The following LRRC49 variants were observed in gnomAD, a reference collection of about 807,000 sequenced individuals.
LRRC49 encodes the protein leucine rich repeat containing 49.
A neutral mutation model predicts 83.3 loss-of-function variants in LRRC49; 50 were observed. That is an observed-to-expected ratio of 0.60 (90% CI 0.48 to 0.76). The LOEUF is 0.76. Among genes scored for constraint, LRRC49 ranks in the 30% least tolerant of loss-of-function variants. The pLI is 0.00. For missense variants in LRRC49, 704 were observed against 809.1 expected, an observed-to-expected ratio of 0.87 and a Z score of 1.58; for synonymous variants, 286 against 283.3, an observed-to-expected ratio of 1.01 and a Z score of -0.10.
intron 2 of LRRC49, chr15:70,882,574 T>C: frequency 1.2e-6 from 2 of 1,613,786 alleles, no homozygotes; most frequent in South Asian, 2.2e-5. Context: ...GAGAGGAAGT[T>C]CTAGACCACA....
At chr15:70,903,108 G>C (rs1279636970) in intron 4 of LRRC49, among the ~76,000 whole-genome samples, 1 of 152,016 alleles carries the variant, frequency 6.6e-6, no homozygotes, top group East Asian at 1.9e-4. Flanking sequence ...TAGAAGTTGG[G>C]GGGTATCAAT....
rs548328537 is a variant in LRRC49, at chr15:71,001,635, A to C, written c.1170-6744A>C. ...TTTATGTCTTTTTCATTACTTTACT[A>C]TTCTTCAATGGGGTCTTGGAGGGAG... On this transcript the variant is annotated intron_variant, in intron 11 of 15. Coordinates refer to ENST00000260382, the MANE Select transcript of LRRC49 (RefSeq NM_017691.5). 2.2e-4 allele frequency among the ~76,000 whole-genome samples: 33 copies of C among 151,146 alleles called. 1 individual carries two copies. In the South Asian group the frequency reaches 4.6e-3, roughly 21 times the overall value.
At position 70,878,036 on chromosome 15, in the gene LRRC49, G is replaced by A. The variant is rs555806237; in HGVS notation, c.18+4813G>A. 1.3e-3 allele frequency among the ~76,000 whole-genome samples: 195 copies of A among 152,306 alleles called. 1 individual carries two copies. Among genetic ancestry groups the A allele is most frequent in the African/African-American group, 4.5e-3 (187 of 41,548 alleles). On this transcript the variant is annotated intron_variant, in intron 2 of 16. Transcript: ENST00000544974. The stretch of plus-strand genomic sequence containing the variant: ...TAGTCCCAGCTACTCAGGAGGCTGA[G>A]GTGGGAGAATGGCGTGAACCCGGGA...
intron 8 of LRRC49, among the ~76,000 whole-genome samples, chr15:70,939,520 G>T (rs920060490): frequency 1.3e-5 from 2 of 152,100 alleles, no homozygotes. Flanking sequence ...TTGCTGATTT[G>T]TCAGTAAGGA....
At chr15:70,989,979 C>G (rs914258546) in intron 11 of LRRC49, among the ~76,000 whole-genome samples, 2 of 152,140 alleles carry the variant, frequency 1.3e-5, no homozygotes, top group Non-Finnish European at 2.9e-5. Flanking sequence ...GCTGTCTGAT[C>G]GTTCCTCTTG....
In LRRC49 at chr15:70,895,893, A is replaced by G. The variant is rs573805640; in HGVS notation, c.150A>G (p.Arg50=). Residue 50 remains arginine (R), a synonymous_variant, in exon 3 of 16, where the codon AGA becomes AGG. Coordinates refer to ENST00000260382, the MANE Select transcript of LRRC49 (RefSeq NM_017691.5). Reference sequence around the variant, plus strand: ...AAGACACATCGTCATTCCCCGGTAGACTTTTACAACATGACCTTGAAAGAA... The same window carrying G: ...AAGACACATCGTCATTCCCCGGTAGGCTTTTACAACATGACCTTGAAAGAA... ...LNKDTSSFPG[R]LLQHDLERNY... The G allele has an allele frequency of 1.2e-5, 20 of 1,611,990 alleles. No homozygotes were observed. The highest frequency in any genetic ancestry group is 1.2e-4 in the South Asian group (11 of 90,722).
At chr15:70,958,508 T>C (rs1176921613) in intron 8 of LRRC49, among the ~76,000 whole-genome samples, 7 of 152,302 alleles carry the variant, frequency 4.6e-5, no homozygotes, top group Admixed American at 2.6e-4. Context: ...TTTTATTTGA[T>C]TCAAGCTTTA....
chr15:70,948,062 C>T (rs1188522596), intron 8 of LRRC49, among the ~76,000 whole-genome samples: 1 of 152,098 alleles, frequency 6.6e-6, no homozygotes, highest in African/African-American at 2.4e-5. Flanking sequence ...AACTAGCTAA[C>T]TCCTTTACTT....
At chr15:70,917,053 C>T (rs569526364) in intron 6 of LRRC49, among the ~76,000 whole-genome samples, 1 of 152,330 alleles carries the variant, frequency 6.6e-6, no homozygotes, top group South Asian at 2.1e-4. Context: ...GGCAGCCTGG[C>T]CAAGTGTGCA....
At chr15:71,048,854 A>G (rs898548203) in intron 15 of LRRC49, 2 of 455,850 alleles carry the variant, frequency 4.4e-6, no homozygotes, top group African/African-American at 4.0e-5. Context: ...CCAGGTTTCT[A>G]TATGTTTACT....
intron 9 of LRRC49, among the ~76,000 whole-genome samples, chr15:70,976,005 C>CGG (rs2037192913): frequency 6.6e-6 from 1 of 152,138 alleles, no homozygotes; most frequent in African/African-American, 2.4e-5. Context: ...GTAGTCACTG[C>CGG]GGAAGCCTAT....
At chr15:70,998,826 G>T (rs1357303710) in intron 11 of LRRC49, among the ~76,000 whole-genome samples, 1 of 151,176 alleles carries the variant, frequency 6.6e-6, no homozygotes, top group East Asian at 1.9e-4. Flanking sequence ...GTTTATATTG[G>T]TATGCTGGAT....
intron 1 of LRRC49, among the ~76,000 whole-genome samples, chr15:70,867,459 T>C (rs949849447): frequency 2.6e-5 from 4 of 152,212 alleles, no homozygotes; most frequent in Non-Finnish European, 4.4e-5. Flanking sequence ...ATTACTGTGT[T>C]CTTGGCCTAT....
chr15:70,943,867 C>T (rs904280433), intron 8 of LRRC49, among the ~76,000 whole-genome samples: 13 of 152,114 alleles, frequency 8.5e-5, no homozygotes, highest in African/African-American at 3.1e-4. Context: ...TTTAGAGAAA[C>T]AGTGTAACAA....
chr15:71,015,708 C>G (rs982936691), intron 14 of LRRC49, among the ~76,000 whole-genome samples: 1 of 152,178 alleles, frequency 6.6e-6, no homozygotes, highest in South Asian at 2.1e-4. Flanking sequence ...ATGAAAGTTA[C>G]TGTAATACTT....
chr15:70,989,215 A>G (rs1203909149), intron 11 of LRRC49, among the ~76,000 whole-genome samples: 2 of 152,132 alleles, frequency 1.3e-5, no homozygotes, highest in Non-Finnish European at 2.9e-5. Context: ...TCTCCTGGAT[A>G]ATATCCTGCA....
chr15:70,990,755 C>G (rs2037847429), intron 11 of LRRC49, among the ~76,000 whole-genome samples: 1 of 152,230 alleles, frequency 6.6e-6, no homozygotes, highest in Non-Finnish European at 1.5e-5. Flanking sequence ...TAGACCGGAG[C>G]TGTTCCTATT....
At chr15:71,034,755 G>A (rs749486216) in intron 14 of LRRC49, among the ~76,000 whole-genome samples, 7 of 152,128 alleles carry the variant, frequency 4.6e-5, no homozygotes, top group Non-Finnish European at 5.9e-5. Context: ...ATGGATGATC[G>A]AGATGGAAGC....
intron 2 of LRRC49, among the ~76,000 whole-genome samples, chr15:70,883,407 T>C (rs1024961298): frequency 1.3e-5 from 2 of 152,142 alleles, no homozygotes; most frequent in Non-Finnish European, 2.9e-5. Flanking sequence ...TTAGCCAGGC[T>C]GGTCTCGAAC....
Sources: gnomAD v4.1 joint callset for allele counts (sites outside exome capture counted in the v4.1 genomes callset) on GRCh38, gnomAD v4.1.1 for gene constraint, MANE v1.5 for transcripts, NCBI Gene and HGNC (gene_info 2026-07-23, HGNC 2026-07-21) for gene names.